The following CACNA2D2 variants were observed in gnomAD, a reference collection of about 807,000 sequenced individuals.
CACNA2D2 encodes calcium voltage-gated channel auxiliary subunit alpha2delta 2.
In CACNA2D2, 48 loss-of-function variants were observed where a neutral mutation model predicts 166.4. The observed-to-expected ratio is 0.29, with a 90% CI of 0.23 to 0.37. CACNA2D2 has a LOEUF of 0.37. Among genes scored for constraint, CACNA2D2 ranks in the 10% least tolerant of loss-of-function variants. CACNA2D2 has a pLI of 1.00. For missense variants in CACNA2D2, 1,122 were observed against 1,433.0 expected (o/e 0.78, Z 3.50); for synonymous variants, 561 against 573.7 (o/e 0.98, Z 0.32).
rs1251452705 is a variant in CACNA2D2 at position 50,376,221 on chromosome 3, A to T, written c.1627-33T>A. The T allele has an allele frequency of 6.2e-7, 1 of 1,609,550 alleles. No homozygotes were observed. Among genetic ancestry groups the T allele is most frequent in the African/African-American group, 1.3e-5 (1 of 74,822 alleles). ...CACAGATTGGGGGCTCAGGGTCTGG[A>T]GGGATGGGCTGGGGTTCCCTGGGCT... On this transcript the variant is annotated intron_variant, in intron 17 of 37. Coordinates refer to ENST00000424201, the MANE Select transcript of CACNA2D2 (RefSeq NM_006030.4). The surrounding 1 kb of genome is among the most constrained non-coding windows in gnomAD (Gnocchi z 4.3).
chr3:50,369,895 G>C (rs896968123), intron 23 of CACNA2D2, among the ~76,000 whole-genome samples: 2 of 152,182 alleles, frequency 1.3e-5, no homozygotes, highest in African/African-American at 4.8e-5. Context: ...TCGGCCCCCA[G>C]ACCCACACGA....
intron 2 of CACNA2D2, among the ~76,000 whole-genome samples, chr3:50,447,475 C>T (rs1177593679): frequency 6.6e-6 from 1 of 152,144 alleles, no homozygotes; most frequent in East Asian, 1.9e-4. Flanking sequence ...AGGACAAGAG[C>T]GGAACAAATT....
chr3:50,383,699 G>A (rs1018720049), intron 6 of CACNA2D2, among the ~76,000 whole-genome samples: 5 of 152,106 alleles, frequency 3.3e-5, no homozygotes, highest in African/African-American at 1.2e-4. Context: ...TACCTCCTTG[G>A]TTCTATGCCC....
Position 50,365,263 on chromosome 3 carries a change from C to A in CACNA2D2, c.3099-79G>T. The A allele has an allele frequency of 6.4e-7, 1 of 1,570,598 alleles. No individual in the cohort carries two copies. The highest frequency in any genetic ancestry group is 8.6e-7 in the Non-Finnish European group (1 of 1,159,144). ...CCCATCCTGCGGCCCCGCCCCCGGC[C>A]GCTCGGAGGCCCCGCCCCTTCCATC... On this transcript the variant is annotated intron_variant, in intron 35 of 37. Transcript: ENST00000424201. The surrounding 1 kb of genome is among the most constrained non-coding windows in gnomAD (Gnocchi z 4.5).
At chr3:50,476,260 C>T in intron 1 of CACNA2D2, 61 bp from the exon 2 acceptor site, 2 of 1,373,254 alleles carry the variant, frequency 1.5e-6, no homozygotes, top group South Asian at 1.2e-5. Context: ...ACAGCCCCAC[C>T]CCAGCCAACC....
At chr3:50,495,803 G>A (rs1698700599) in intron 1 of CACNA2D2, among the ~76,000 whole-genome samples, 1 of 152,202 alleles carries the variant, frequency 6.6e-6, no homozygotes, top group South Asian at 2.1e-4. Flanking sequence ...CCTGAGCCCA[G>A]GCTCCACGCC....
chr3:50,408,367 T>TC (rs1706824456), intron 3 of CACNA2D2, among the ~76,000 whole-genome samples: 1 of 152,156 alleles, frequency 6.6e-6, no homozygotes, highest in Non-Finnish European at 1.5e-5. Context: ...CGCCTGAGGC[T>TC]CCACCTTGTC....
intron 1 of CACNA2D2, among the ~76,000 whole-genome samples, chr3:50,491,556 G>A (rs1575776903): frequency 6.6e-6 from 1 of 152,326 alleles, no homozygotes. Context: ...CATGGAGTGG[G>A]GCGGAAAAAG....
At chr3:50,491,360 C>T (rs929356271) in intron 1 of CACNA2D2, among the ~76,000 whole-genome samples, 23 of 152,218 alleles carry the variant, frequency 1.5e-4, no homozygotes, top group African/African-American at 4.8e-4. Flanking sequence ...GAGGCTAAGG[C>T]GGGTTAGGAG....
At chr3:50,433,741 C>T (rs1708180864) in intron 3 of CACNA2D2, among the ~76,000 whole-genome samples, 1 of 152,128 alleles carries the variant, frequency 6.6e-6, no homozygotes, top group South Asian at 2.1e-4. Flanking sequence ...TTCCTGTTAC[C>T]CCTCAGAACT....
Position 50,423,610 on chromosome 3 carries a change from G to T in CACNA2D2, c.405+10703C>A, listed in dbSNP as rs536171605. Among the ~76,000 whole-genome samples, 116 of 152,384 alleles carry T rather than the reference G, an allele frequency of 7.6e-4. 1 individual carries two copies. Among genetic ancestry groups the T allele is most frequent in the African/African-American group, 2.1e-3 (87 of 41,590 alleles). ...GGGCTGGACCCTAGGCATCTGGGAG[G>T]CTGAAGGATGGGGCGTCTTGCCCTA... On this transcript the variant is annotated intron_variant, in intron 3 of 37. Transcript: ENST00000424201.
chr3:50,417,924 A>G (rs1707340076), intron 3 of CACNA2D2, among the ~76,000 whole-genome samples: 1 of 152,104 alleles, frequency 6.6e-6, no homozygotes, highest in Non-Finnish European at 1.5e-5. Flanking sequence ...GAATGAATGG[A>G]TGGGTGGAGC....
intron 4 of CACNA2D2, among the ~76,000 whole-genome samples, chr3:50,390,622 T>C (rs1705839175): frequency 6.6e-6 from 1 of 151,594 alleles, no homozygotes; most frequent in Admixed American, 6.6e-5. Flanking sequence ...TGGGTAGGAG[T>C]TGGGGGAGTC....
At chr3:50,434,934 T>C (rs887772380) in intron 2 of CACNA2D2, among the ~76,000 whole-genome samples, 1 of 152,184 alleles carries the variant, frequency 6.6e-6, no homozygotes, top group African/African-American at 2.4e-5. Flanking sequence ...GGACCCTTTT[T>C]TGTGGGTGCT....
chr3:50,472,597 C>T (rs1260609029), intron 2 of CACNA2D2, among the ~76,000 whole-genome samples: 1 of 126,868 alleles, frequency 7.9e-6, no homozygotes. Context: ...ACTGATTCTT[C>T]ATCATGTCTG....
chr3:50,397,933 T>C (rs1314858926), intron 3 of CACNA2D2, among the ~76,000 whole-genome samples: 1 of 152,190 alleles, frequency 6.6e-6, no homozygotes, highest in Non-Finnish European at 1.5e-5. Flanking sequence ...CTTGGGCTCC[T>C]GTCCCCATAG....
intron 1 of CACNA2D2, 73 bp from the exon 2 acceptor site, chr3:50,476,272 G>A (rs1008050221): frequency 4.2e-5 from 48 of 1,143,294 alleles, no homozygotes; most frequent in African/African-American, 6.1e-5. Flanking sequence ...CAGCCAACCC[G>A]GGGGCACTGG....
At chr3:50,382,059 C>G (rs1256507078) in intron 6 of CACNA2D2, among the ~76,000 whole-genome samples, 1 of 151,838 alleles carries the variant, frequency 6.6e-6, no homozygotes, top group Non-Finnish European at 1.5e-5. Context: ...TCCAATCCTG[C>G]GGACCCTTCA....
chr3:50,441,419 G>A (rs541834544), intron 2 of CACNA2D2, among the ~76,000 whole-genome samples: 12 of 152,318 alleles, frequency 7.9e-5, no homozygotes, highest in South Asian at 4.1e-4. Context: ...ACGCTGCCTC[G>A]TTACGCTGTA....
Sources: gnomAD v4.1 joint callset for allele counts (sites outside exome capture counted in the v4.1 genomes callset) on GRCh38, gnomAD v4.1.1 for gene constraint, Gnocchi (gnomAD v3.1) non-coding constraint, MANE v1.5 for transcripts, NCBI Gene and HGNC (gene_info 2026-07-23, HGNC 2026-07-21) for gene names.